Variants in SNX9 observed in about 807,000 individuals in gnomAD.
The protein encoded by SNX9 is sorting nexin 9, also known as sorting nexin-9.
Under a neutral mutation model 89.4 loss-of-function variants are expected in SNX9, and 44 were observed. The ratio of observed to expected loss-of-function variants is 0.49; its 90% CI spans 0.39 to 0.63. The LOEUF (loss-of-function observed/expected upper bound fraction) is 0.63, where lower values mean the gene tolerates loss of function less well. Among genes scored for constraint, SNX9 ranks in the 30% least tolerant of loss-of-function variants. The pLI, the probability that SNX9 is intolerant of heterozygous loss-of-function variation, is 0.00. For synonymous variants in SNX9, 236 were observed against 247.8 expected, an observed-to-expected ratio of 0.95 and a Z score of 0.45; for missense variants, 578 against 736.1, an observed-to-expected ratio of 0.79 and a Z score of 2.49.
At chr6:157,854,395 A>T (rs1325986663) in intron 1 of SNX9, among the ~76,000 whole-genome samples, 1 of 152,234 alleles carries the variant, frequency 6.6e-6, no homozygotes, top group Admixed American at 6.5e-5. Context: ...TGCTGATGTG[A>T]AGAGTCCTAA....
chr6:157,823,262 C>T lies in SNX9; in HGVS notation c.-173C>T, dbSNP rs1387727459. On this transcript the variant is annotated 5_prime_UTR_variant, in exon 1 of 18. Coordinates refer to ENST00000392185, the MANE Select transcript of SNX9 (RefSeq NM_016224.5). This position sits in a 1 kb window ranked among gnomAD's most constrained non-coding sequence, Gnocchi z 4.6. ...GTGCGGCGCGGGAGTAGCCGAGCGCCCAGCGGCTGGGCCTGAGCGTCGAGA... is the reference window on the plus strand; with the variant it reads ...GTGCGGCGCGGGAGTAGCCGAGCGCTCAGCGGCTGGGCCTGAGCGTCGAGA... 5.6e-6 allele frequency: 2 copies of T among 356,664 alleles called. No individual in the cohort carries two copies. The highest frequency in any genetic ancestry group is 8.9e-6 in the Non-Finnish European group (2 of 225,926). The allele number at this position is 356,664 out of a possible 1,614,324, so 22.1% of individuals were successfully genotyped here.
chr6:157,847,007 C>T lies in SNX9; in HGVS notation c.13-20540C>T, dbSNP rs538693687. Among the ~76,000 whole-genome samples the T allele has an allele frequency of 5.3e-5, 8 of 152,256 alleles. No homozygotes were observed. In the East Asian group the frequency reaches 1.5e-3, roughly 29 times the overall value. ...GAAGTGAGCCCAGGTAGCACTACTA[C>T]ACACCAGCCTGGGCAACAGAGCAAG... On this transcript the variant is annotated intron_variant, in intron 1 of 17. Coordinates refer to ENST00000392185, the MANE Select transcript of SNX9 (RefSeq NM_016224.5).
rs1366597413 is a variant in SNX9, at chr6:157,944,504, T to C, written c.*1666T>C. 6.6e-6 allele frequency: 1 copy of C among 152,660 alleles called. No individual in the cohort carries two copies. Among genetic ancestry groups the C allele is most frequent in the African/African-American group, 2.4e-5 (1 of 41,472 alleles). The allele number at this position is 152,660 out of a possible 1,614,324, so 9.5% of individuals were successfully genotyped here. A position where few individuals can be genotyped will look rare whatever the true frequency, so the allele number is the denominator to read the frequency against. ...ATAAATAAATTGTTTAAAAAAACTGTACAGTAAATTCTCAAAGCACTTTTT... is the reference window on the plus strand; with the variant it reads ...ATAAATAAATTGTTTAAAAAAACTGCACAGTAAATTCTCAAAGCACTTTTT... On this transcript the variant is annotated 3_prime_UTR_variant, in exon 18 of 18. Coordinates refer to ENST00000392185, the MANE Select transcript of SNX9 (RefSeq NM_016224.5).
rs187376630 is a variant in SNX9, at chr6:157,912,008, G to A, written c.949+1983G>A. On this transcript the variant is annotated intron_variant, in intron 9 of 17. Transcript: ENST00000392185. ...AGTGACAGCCAGATGGCCGTGGGCT[G>A]CTGCTGCCTTCTGCCCAGAGGCACT... 6.0e-3 allele frequency among the ~76,000 whole-genome samples: 919 copies of A among 152,274 alleles called. 7 individuals carry two copies. Among genetic ancestry groups the A allele is most frequent in the Non-Finnish European group, 6.8e-3 (464 of 68,024 alleles).
chr6:157,870,847 C>A (rs891885316), intron 2 of SNX9, among the ~76,000 whole-genome samples: 2 of 151,370 alleles, frequency 1.3e-5, no homozygotes, highest in African/African-American at 4.9e-5. Flanking sequence ...TACCCACACT[C>A]TCCTGCTCTC....
chr6:157,889,430 CAAAA>C (rs56303673), intron 4 of SNX9, among the ~76,000 whole-genome samples: 3 of 58,496 alleles, frequency 5.1e-5, no homozygotes, highest in East Asian at 1.1e-3. Context: ...GACCCTGTCT[CAAAA>C]AAAAAAAAAA....
At chr6:157,927,398 C>G (rs943572446) in intron 11 of SNX9, among the ~76,000 whole-genome samples, 184 bp downstream of exon 11, 1 of 152,110 alleles carries the variant, frequency 6.6e-6, no homozygotes, top group Non-Finnish European at 1.5e-5. Context: ...TCTTTCTAAC[C>G]GCAACATCAA....
chr6:157,928,054 A>C (rs1350578375), intron 11 of SNX9, among the ~76,000 whole-genome samples: 1 of 152,194 alleles, frequency 6.6e-6, no homozygotes, highest in Non-Finnish European at 1.5e-5. Context: ...AAGATTGTTT[A>C]AACAAAAATG....
intron 15 of SNX9, 64 bp from the exon 16 acceptor site, chr6:157,938,569 A>T: frequency 9.5e-7 from 1 of 1,057,856 alleles, no homozygotes; most frequent in South Asian, 1.3e-5. Context: ...TAGCATTGTT[A>T]TATTTTAAAC....
chr6:157,859,478 A>C (rs905158757), intron 1 of SNX9, among the ~76,000 whole-genome samples: 9 of 152,316 alleles, frequency 5.9e-5, no homozygotes, highest in African/African-American at 2.2e-4. Context: ...TGGTTTATTT[A>C]ATCAGTTGCC....
At position 157,929,999 on chromosome 6, in the gene SNX9, G is replaced by A. The variant is rs575594992; in HGVS notation, c.1288+1297G>A. ...GCCCATTTATTTGTATATTGTCTTT[G>A]GCTACATTTGTGTCATAATGGTAGA... On this transcript the variant is annotated intron_variant, in intron 12 of 17. Transcript: ENST00000392185. 1.1e-3 allele frequency among the ~76,000 whole-genome samples: 173 copies of A among 152,114 alleles called. 2 individuals are homozygous for A. The Middle Eastern group carries it at 0.014, about 12-fold the overall frequency.
At chr6:157,909,627 A>G (rs953092776) in intron 7 of SNX9, 38 bp from the exon 8 acceptor site, 1 of 1,605,972 alleles carries the variant, frequency 6.2e-7, no homozygotes, top group Non-Finnish European at 8.5e-7. Context: ...TTATTTTTCC[A>G]TGTAACAAAA....
intron 9 of SNX9, among the ~76,000 whole-genome samples, chr6:157,915,641 ATAT>A (rs372899884): frequency 1.8e-4 from 17 of 94,988 alleles, no homozygotes; most frequent in African/African-American, 2.9e-4. Context: ...AAAAAAAAAA[ATAT>A]ATATATATAT....
intron 1 of SNX9, among the ~76,000 whole-genome samples, chr6:157,838,702 G>C (rs758222811): frequency 3.3e-5 from 5 of 152,196 alleles, no homozygotes; most frequent in Non-Finnish European, 7.3e-5. Flanking sequence ...TTAAATACTT[G>C]AAGGCATGTT....
intron 4 of SNX9, chr6:157,885,472 T>A (rs1782715032): frequency 6.6e-6 from 1 of 152,252 alleles, no homozygotes; most frequent in Non-Finnish European, 1.5e-5. Context: ...TATAAGAGAA[T>A]ATTATAACCT....
intron 5 of SNX9, among the ~76,000 whole-genome samples, chr6:157,898,476 T>C (rs1366803777): frequency 6.6e-6 from 1 of 152,240 alleles, no homozygotes; most frequent in Admixed American, 6.5e-5. Context: ...CTTCTGATTT[T>C]AACATCTCAG....
chr6:157,909,825 T>C (rs745802595), intron 8 of SNX9, 35 bp downstream of exon 8: 2 of 1,612,766 alleles, frequency 1.2e-6, no homozygotes, highest in African/African-American at 2.7e-5. Context: ...AGAATCATGT[T>C]TGGATCACTG....
chr6:157,823,539 AG>A lies in SNX9; in HGVS notation c.12+97del. 9.4e-7 allele frequency: 1 copy of A among 1,064,666 alleles called. No individual in the cohort carries two copies. Among genetic ancestry groups the A allele is most frequent in the Non-Finnish European group, 1.2e-6 (1 of 863,106 alleles). The allele number at this position is 1,064,666 out of a possible 1,614,324, so 66.0% of individuals were successfully genotyped here. Reference sequence around the variant, plus strand: ...CGGGGCCGCGGGGAGGGTCGGGGCCAGGGGTGGTCGAGGGGCCACTCCGCTT... The same window carrying A: ...CGGGGCCGCGGGGAGGGTCGGGGCCAGGGTGGTCGAGGGGCCACTCCGCTT... On this transcript the variant is annotated intron_variant, in intron 1 of 17. Coordinates refer to ENST00000392185, the MANE Select transcript of SNX9 (RefSeq NM_016224.5). The surrounding 1 kb of genome is among the most constrained non-coding windows in gnomAD (Gnocchi z 4.6).
At chr6:157,914,504 C>T (rs1783422162) in intron 9 of SNX9, among the ~76,000 whole-genome samples, 1 of 101,538 alleles carries the variant, frequency 9.8e-6, no homozygotes, top group South Asian at 3.5e-4. Flanking sequence ...GAGACAGGGT[C>T]TCACTGTCGT....
Sources: allele counts gnomAD v4.1 joint callset (sites outside exome capture counted in the v4.1 genomes callset), GRCh38; gene constraint gnomAD v4.1.1; non-coding constraint Gnocchi (gnomAD v3.1); transcripts MANE v1.5; gene names NCBI Gene and HGNC (gene_info 2026-07-23, HGNC 2026-07-21).